FATE1: variants seen among roughly 807,000 people sequenced by gnomAD.
FATE1 encodes fetal and adult testis expressed 1.
A neutral mutation model predicts 16.0 loss-of-function variants in FATE1; 18 were observed. The ratio of observed to expected loss-of-function variants is 1.12; its 90% CI spans 0.78 to 1.66. The LOEUF (loss-of-function observed/expected upper bound fraction) is 1.66, where lower values mean the gene tolerates loss of function less well. Ranked by LOEUF, FATE1 falls within the 40% of genes most tolerant of loss-of-function variation. The pLI is 0.00. For synonymous variants in FATE1, 76 were observed against 56.9 expected (o/e 1.34, Z -1.51); for missense variants, 169 against 152.7 (o/e 1.11, Z -0.56).
In FATE1 at chrX:151,721,987, G is replaced by A. The variant is rs375487815; in HGVS notation, c.420+6G>A. The A allele has an allele frequency of 1.7e-6, 2 of 1,207,727 alleles. No homozygotes were observed. Among genetic ancestry groups the A allele is most frequent in the Non-Finnish European group, 2.2e-6 (2 of 892,470 alleles). On this transcript the variant is annotated splice_donor_region_variant and intron_variant, in intron 4 of 4. Transcript: ENST00000370350. ...TGGAAGTCATGAGAAGACAGGTGAG[G>A]AGGGACCCAATCGGTGGGTGCAAGC...
At chrX:151,721,102 A>G (rs760809799) in intron 2 of FATE1, among the ~76,000 whole-genome samples, 3 of 112,605 alleles carry the variant, frequency 2.7e-5, no homozygotes, top group Admixed American at 1.9e-4. Context: ...CTCAGCTAAT[A>G]CCTGCATGTG....
chrX:151,721,575 C>CCCCT, intron 3 of FATE1, 74 bp downstream of exon 3: 1 of 943,189 alleles, frequency 1.1e-6, no homozygotes, highest in Non-Finnish European at 1.5e-6. Context: ...TGGTGAGCAG[C>CCCCT]CTGGCCAGGA....
At chrX:151,720,205 C>T (rs28643420) in intron 2 of FATE1, among the ~76,000 whole-genome samples, 12,249 of 110,865 alleles carry the variant, frequency 0.11, 564 homozygotes, top group Middle Eastern at 0.21. Context: ...TGTGATATGC[C>T]GCCATTGTCC....
rs150252397 is a variant in FATE1 at position 151,721,458 on chromosome X, G to C, written c.298G>C (p.Glu100Gln). The C allele has an allele frequency of 6.8e-5, 82 of 1,211,016 alleles. No homozygotes were observed. The highest frequency in any genetic ancestry group is 1.5e-4 in the Admixed American group (7 of 45,985). ...ESGHGDAHLQ[E>Q]YAGNFQGIRF... ...AGGCCATGGGGATGCCCATCTCCAG[G>C]AGTACGCTGGCAATTTCCAAGGCAT... Residue 100 changes from glutamate to glutamine, a missense_variant, in exon 3 of 5, where the codon GAG becomes CAG. Physicochemically the swap from Glu to Gln is conservative, Grantham distance 29. Transcript: ENST00000370350.
At position 151,722,860 on chromosome X, in the gene FATE1, C is replaced by G. The variant is rs900420962; in HGVS notation, c.*101C>G. 1 of 1,037,898 alleles carries G rather than the reference C, an allele frequency of 9.6e-7. No homozygotes were observed. Among genetic ancestry groups the G allele is most frequent in the Non-Finnish European group, 1.3e-6 (1 of 774,532 alleles). The allele number at this position is 1,037,898 out of a possible 1,213,427, so 85.5% of individuals were successfully genotyped here. ...TGCCCTTGCCCCTTTCATCTCCCAGCAGCCCTCAGGAGCGTCAGGATCATT... is the reference window on the plus strand; with the variant it reads ...TGCCCTTGCCCCTTTCATCTCCCAGGAGCCCTCAGGAGCGTCAGGATCATT... On this transcript the variant is annotated 3_prime_UTR_variant, in exon 5 of 5. Transcript: ENST00000370350.
chrX:151,719,472 T>C (rs1462665289), intron 2 of FATE1, among the ~76,000 whole-genome samples: 2 of 112,440 alleles, frequency 1.8e-5, no homozygotes, highest in African/African-American at 3.2e-5. Flanking sequence ...TTCATCCTTA[T>C]TTTTTGCCTT....
At chrX:151,716,358 C>CA in intron 1 of FATE1, 133 bp downstream of exon 1, 1 of 520,535 alleles carries the variant, frequency 1.9e-6, no homozygotes, top group South Asian at 4.8e-5. Context: ...GGCCGGGCTT[C>CA]GAGGATTTGT....
At chrX:151,716,358 C>T (rs775910814) in intron 1 of FATE1, 133 bp downstream of exon 1, 9 of 519,071 alleles carry the variant, frequency 1.7e-5, no homozygotes, top group South Asian at 1.5e-4. Flanking sequence ...GGCCGGGCTT[C>T]GAGGATTTGT....
chrX:151,717,171 A>G (rs776000781), intron 1 of FATE1, 101 bp from the exon 2 acceptor site: 7 of 1,015,807 alleles, frequency 6.9e-6, no homozygotes, highest in Non-Finnish European at 6.6e-6. Flanking sequence ...GTGATTCCCA[A>G]GAAAGCTGGA....
Position 151,723,039 on chromosome X carries a change from A to T in FATE1, c.*280A>T. The T allele has an allele frequency of 3.2e-6, 1 of 312,598 alleles. No individual in the cohort carries two copies. The highest frequency in any genetic ancestry group is 6.1e-5 in the South Asian group (1 of 16,497). The allele number at this position is 312,598 out of a possible 1,213,427, so 25.8% of individuals were successfully genotyped here. ...GCATCTGGGCCCCACAGTAACACCT[A>T]GTGGCAACCTTGCCTTCCTGACCTC... is the stretch of plus-strand genomic sequence containing the variant. On this transcript the variant is annotated 3_prime_UTR_variant, in exon 5 of 5. Coordinates refer to ENST00000370350, the MANE Select transcript of FATE1 (RefSeq NM_033085.3).
chrX:151,717,146 G>T, intron 1 of FATE1, 126 bp from the exon 2 acceptor site: 1 of 827,870 alleles, frequency 1.2e-6, no homozygotes, highest in Non-Finnish European at 1.7e-6. Context: ...ATGGACAGTG[G>T]TTAATGGGTG....
intron 4 of FATE1, among the ~76,000 whole-genome samples, chrX:151,722,213 T>A (rs931760607): frequency 1.8e-5 from 2 of 111,078 alleles, no homozygotes; most frequent in African/African-American, 6.6e-5. Flanking sequence ...TAGGGGCAGA[T>A]AAAAGGTGGA....
chrX:151,717,313 A>G lies in FATE1; in HGVS notation c.148A>G (p.Lys50Glu). Residue 50 changes from lysine to glutamate, a missense_variant, in exon 2 of 5, where the codon AAG becomes GAG. Transcript: ENST00000370350. ...LGSRSRGASQKKQKLEQKAAG... is the reference protein window; with the variant it reads ...LGSRSRGASQEKQKLEQKAAG... ...ATCTCGGTCCCGGGGTGCCTCCCAGAAGAAGCAGAAGTTGGAACAAAAAGC... is the reference window on the plus strand; with the variant it reads ...ATCTCGGTCCCGGGGTGCCTCCCAGGAGAAGCAGAAGTTGGAACAAAAAGC... 3 of 1,208,714 alleles carry G rather than the reference A, an allele frequency of 2.5e-6. No homozygotes were observed. The highest frequency in any genetic ancestry group is 3.4e-6 in the Non-Finnish European group (3 of 893,536).
chrX:151,721,530 C>A, intron 3 of FATE1, 29 bp downstream of exon 3: 3 of 1,157,499 alleles, frequency 2.6e-6, no homozygotes, highest in Non-Finnish European at 1.2e-6. Flanking sequence ...TGGGCCCTGG[C>A]TGCTCAGACA....
rs777906779 is a variant in FATE1, at chrX:151,722,682, C to A, written c.475C>A (p.Arg159Ser). 5.8e-6 allele frequency: 7 copies of A among 1,212,123 alleles called. No homozygotes were observed. Among genetic ancestry groups the A allele is most frequent in the Non-Finnish European group, 7.8e-6 (7 of 895,453 alleles). ...RALEEQGATW[R>S]HRETLIIAVL... ...CCTGGAGGAACAGGGCGCCACCTGG[C>A]GCCACAGGGAGACCCTGATCATCGC... The change falls in exon 5 of 5, where the codon CGC (arginine) becomes AGC (serine). Residue 159 changes from arginine to serine, a missense_variant. Arg to Ser is a moderately radical substitution (Grantham distance 110). Transcript: ENST00000370350.
Position 151,722,691 on chromosome X carries a change from G to A in FATE1, c.484G>A (p.Glu162Lys). The A allele has an allele frequency of 1.6e-6, 2 of 1,212,268 alleles. No individual in the cohort carries two copies. Among genetic ancestry groups the A allele is most frequent in the Non-Finnish European group, 2.2e-6 (2 of 895,530 alleles). Residue 162 changes from glutamate (E) to lysine (K), a missense_variant, in exon 5 of 5, where the codon GAG becomes AAG. Physicochemically the swap from Glu to Lys is moderately conservative, Grantham distance 56. Coordinates refer to ENST00000370350, the MANE Select transcript of FATE1 (RefSeq NM_033085.3). ...EEQGATWRHRETLIIAVLVSA... is the reference protein window; with the variant it reads ...EEQGATWRHRKTLIIAVLVSA... ...ACAGGGCGCCACCTGGCGCCACAGGGAGACCCTGATCATCGCCGTGCTGGT... is the reference window on the plus strand; with the variant it reads ...ACAGGGCGCCACCTGGCGCCACAGGAAGACCCTGATCATCGCCGTGCTGGT...
At position 151,722,813 on chromosome X, in the gene FATE1, T is replaced by C; in HGVS notation, c.*54T>C. On this transcript the variant is annotated 3_prime_UTR_variant, in exon 5 of 5. Coordinates refer to ENST00000370350, the MANE Select transcript of FATE1 (RefSeq NM_033085.3). ...CCCTCCCTGCTTCCCCTTCTTTCTT[T>C]CCTCTTTCCCCAGGCCGCCACTGCC... The C allele has an allele frequency of 8.6e-7, 1 of 1,162,747 alleles. No individual in the cohort carries two copies. Among genetic ancestry groups the C allele is most frequent in the African/African-American group, 1.8e-5 (1 of 56,259 alleles).
At chrX:151,718,114 A>AAGGG (rs1338128636) in intron 2 of FATE1, among the ~76,000 whole-genome samples, 1 of 14,201 alleles carries the variant, frequency 7.0e-5, no homozygotes, top group East Asian at 1.2e-3. Flanking sequence ...GAGAGAGAGG[A>AAGGG]AGGAAGGAAG....
At position 151,722,881 on chromosome X, in the gene FATE1, T is replaced by C. The variant is rs1022560608; in HGVS notation, c.*122T>C. The C allele has an allele frequency of 3.5e-5, 33 of 955,963 alleles. No homozygotes were observed. Among genetic ancestry groups the C allele is most frequent in the Non-Finnish European group, 4.5e-5 (32 of 711,729 alleles). The allele number at this position is 955,963 out of a possible 1,213,427, so 78.8% of individuals were successfully genotyped here. A position where few individuals can be genotyped will look rare whatever the true frequency, so the allele number is the denominator to read the frequency against. ...CCAGCAGCCCTCAGGAGCGTCAGGATCATTTTCAACTCTGGTTAGGCCTCC... is the reference window on the plus strand; with the variant it reads ...CCAGCAGCCCTCAGGAGCGTCAGGACCATTTTCAACTCTGGTTAGGCCTCC... On this transcript the variant is annotated 3_prime_UTR_variant, in exon 5 of 5. Coordinates refer to ENST00000370350, the MANE Select transcript of FATE1 (RefSeq NM_033085.3).
Sources: allele counts gnomAD v4.1 joint callset (sites outside exome capture counted in the v4.1 genomes callset), GRCh38; gene constraint gnomAD v4.1.1; transcripts MANE v1.5; gene names NCBI Gene and HGNC (gene_info 2026-07-23, HGNC 2026-07-21).